The following KIAA1549L variants were observed in gnomAD, a reference collection of about 807,000 sequenced individuals.
The protein encoded by KIAA1549L is UPF0606 protein KIAA1549L.
In KIAA1549L, 88 loss-of-function variants were observed where a neutral mutation model predicts 160.7. The ratio of observed to expected loss-of-function variants is 0.55; its 90% CI spans 0.46 to 0.65. KIAA1549L has a LOEUF of 0.65. Ranked by LOEUF, KIAA1549L falls within the 30% of genes least tolerant of loss-of-function variation. The pLI is 0.00. For missense variants in KIAA1549L, 2,258 were observed against 2,437.5 expected, an observed-to-expected ratio of 0.93 and a Z score of 1.55; for synonymous variants, 950 against 976.7, an observed-to-expected ratio of 0.97 and a Z score of 0.51.
chr11:33,389,913 A>T (rs1850241338), intron 1 of KIAA1549L, among the ~76,000 whole-genome samples: 1 of 152,228 alleles, frequency 6.6e-6, no homozygotes, highest in South Asian at 2.1e-4. Context: ...ACCTAGCTAC[A>T]CAACTAAAAC....
chr11:33,459,960 C>CAAAAAAAAAAAAAAAAAAAAA (rs61580338), intron 1 of KIAA1549L, among the ~76,000 whole-genome samples: 9 of 67,206 alleles, frequency 1.3e-4, no homozygotes, highest in African/African-American at 5.9e-4. Context: ...GACTCCGTCT[C>CAAAAAAAAAAAAAAAAAAAAA]AAAAAAAAAA....
chr11:33,530,427 AAAAAAAAAAATAT>A (rs1439116332), intron 1 of KIAA1549L, among the ~76,000 whole-genome samples: 4 of 44,092 alleles, frequency 9.1e-5, no homozygotes, highest in Admixed American at 4.8e-4. Flanking sequence ...AAAAAAAAAA[AAAAAAAAAAATAT>A]ATATATATAT....
Position 33,543,418 on chromosome 11 carries a change from C to T in KIAA1549L, c.1855C>T (p.Pro619Ser), listed in dbSNP as rs1854105328. 6.2e-7 allele frequency: 1 copy of T among 1,614,004 alleles called. No individual in the cohort carries two copies. Among genetic ancestry groups the T allele is most frequent in the Non-Finnish European group, 8.5e-7 (1 of 1,179,874 alleles). Residue 619 changes from proline (P) to serine (S), a missense_variant, in exon 2 of 21, where the codon CCC (proline) becomes TCC (serine). Pro to Ser is a moderately conservative substitution (Grantham distance 74, BLOSUM62 -1). Coordinates refer to ENST00000658780, the MANE Select transcript of KIAA1549L (RefSeq NM_012194.3). ...CATCATTACAGCACCAAGGACGAAT[C>T]CCCTTCCTTCAGGACCACCTCTACC... is the stretch of plus-strand genomic sequence containing the variant. ...SPIITAPRTN[P>S]LPSGPPLPSI...
chr11:33,565,480 G>A (rs1033206401), intron 8 of KIAA1549L, among the ~76,000 whole-genome samples: 1 of 152,164 alleles, frequency 6.6e-6, no homozygotes, highest in Non-Finnish European at 1.5e-5. Context: ...TTCAGATGAG[G>A]AACTGAGGCA....
At chr11:33,538,334 T>C (rs1295706495) in intron 1 of KIAA1549L, among the ~76,000 whole-genome samples, 2 of 152,206 alleles carry the variant, frequency 1.3e-5, no homozygotes, top group African/African-American at 4.8e-5. Flanking sequence ...ATCAATATGC[T>C]TTTTCAGTCA....
chr11:33,629,043 G>A (rs993795530), intron 16 of KIAA1549L, among the ~76,000 whole-genome samples: 6 of 145,676 alleles, frequency 4.1e-5, no homozygotes, highest in East Asian at 1.9e-4. Context: ...CTTCACTTAC[G>A]AAGCTTAGTT....
intron 16 of KIAA1549L, among the ~76,000 whole-genome samples, chr11:33,623,923 T>C (rs1046858465): frequency 5.3e-5 from 8 of 152,204 alleles, no homozygotes; most frequent in African/African-American, 1.9e-4. Context: ...TTCTGGACCC[T>C]GTCTGCTCTT....
rs1438252903 is a variant in KIAA1549L, at chr11:33,543,932, C to CA, written c.2370dup (p.Asp791ArgfsTer17). The CA allele has an allele frequency of 6.2e-7, 1 of 1,613,918 alleles. No homozygotes were observed. The highest frequency in any genetic ancestry group is 8.5e-7 in the Non-Finnish European group (1 of 1,179,914). On this transcript the variant is annotated frameshift_variant, in exon 2 of 21. Transcript: ENST00000658780. LOFTEE classifies it high-confidence loss of function. ...AGCATTGAGCAGCCTGTGCAACAGT[C>CA]AGACATGACCATGGTTGGAAGCCAT...
chr11:33,565,342 C>A (rs1163009633), intron 8 of KIAA1549L, among the ~76,000 whole-genome samples: 1 of 152,198 alleles, frequency 6.6e-6, no homozygotes, highest in African/African-American at 2.4e-5. Flanking sequence ...CACATCGTAA[C>A]AACAGCAGCT....
intron 3 of KIAA1549L, 33 bp downstream of exon 3, chr11:33,545,411 A>G: frequency 1.3e-6 from 2 of 1,573,132 alleles, no homozygotes; most frequent in Non-Finnish European, 1.7e-6. Flanking sequence ...TGAAAGCAGC[A>G]AGCCTGGCCT....
At chr11:33,551,954 T>G (rs918583690) in intron 5 of KIAA1549L, among the ~76,000 whole-genome samples, 154 bp from the exon 6 acceptor site, 1 of 152,234 alleles carries the variant, frequency 6.6e-6, no homozygotes. Flanking sequence ...AGGAGCCACT[T>G]TCAAAACTAC....
intron 1 of KIAA1549L, among the ~76,000 whole-genome samples, chr11:33,508,222 C>T (rs903374485): frequency 1.3e-5 from 2 of 152,180 alleles, no homozygotes; most frequent in Non-Finnish European, 2.9e-5. Flanking sequence ...TTTGGTTATC[C>T]AGCCTCATCG....
chr11:33,514,408 T>C (rs1853294527), intron 1 of KIAA1549L, among the ~76,000 whole-genome samples: 1 of 152,346 alleles, frequency 6.6e-6, no homozygotes, highest in Admixed American at 6.5e-5. Context: ...CACTGACTCA[T>C]GCTTGGTGAC....
In KIAA1549L at chr11:33,606,777, C is replaced by G. The variant is rs768656298; in HGVS notation, c.5016C>G (p.Pro1672=). 1.6e-5 allele frequency: 26 copies of G among 1,613,028 alleles called. No individual in the cohort carries two copies. Among genetic ancestry groups the G allele is most frequent in the East Asian group, 2.2e-5 (1 of 44,838 alleles). The change falls in exon 14 of 21, where the codon CCC becomes CCG. Residue 1672 remains proline (P), a synonymous_variant. Coordinates refer to ENST00000658780, the MANE Select transcript of KIAA1549L (RefSeq NM_012194.3). ...CCACAGCCCTCCCCATGGTGCCCCCCACCTCGGACAGGAGCCAGGAGTCAT... is the reference window on the plus strand; with the variant it reads ...CCACAGCCCTCCCCATGGTGCCCCCGACCTCGGACAGGAGCCAGGAGTCAT... ...IKPTALPMVP[P]TSDRSQESSA... is the part of the protein sequence containing the mutation.
At chr11:33,639,775 A>G (rs1034531287) in intron 16 of KIAA1549L, among the ~76,000 whole-genome samples, 1 of 152,124 alleles carries the variant, frequency 6.6e-6, no homozygotes, top group Non-Finnish European at 1.5e-5. Flanking sequence ...CCTGACCTCA[A>G]ATGATCCGCC....
intron 1 of KIAA1549L, among the ~76,000 whole-genome samples, chr11:33,489,354 T>C (rs911870713): frequency 1.3e-5 from 2 of 152,176 alleles, no homozygotes; most frequent in African/African-American, 4.8e-5. Context: ...AAGATATCTC[T>C]CTTTCTCTTA....
chr11:33,638,927 T>C (rs1851514578), intron 16 of KIAA1549L, among the ~76,000 whole-genome samples: 1 of 152,228 alleles, frequency 6.6e-6, no homozygotes, highest in Admixed American at 6.5e-5. Flanking sequence ...TTCATTGAGG[T>C]ATCTTTTCAA....
chr11:33,631,428 C>G (rs137954767), intron 16 of KIAA1549L, among the ~76,000 whole-genome samples: 4 of 152,226 alleles, frequency 2.6e-5, no homozygotes, highest in Non-Finnish European at 4.4e-5. Context: ...CCAGGCTGCT[C>G]AGCCTCCTCG....
Position 33,474,751 on chromosome 11 carries a change from G to T in KIAA1549L, c.239-67051G>T, listed in dbSNP as rs1852249638. Among the ~76,000 whole-genome samples the T allele has an allele frequency of 3.9e-5, 6 of 152,256 alleles. No homozygotes were observed. The South Asian group carries it at 1.2e-3, about 31-fold the overall frequency. On this transcript the variant is annotated intron_variant, in intron 1 of 20. Transcript: ENST00000658780. The stretch of plus-strand genomic sequence containing the variant: ...AGTACTGCATAGAAACTGGCACCCA[G>T]TAGGTACCCAATAAACACCTGCCAA...
Sources: gnomAD v4.1 joint callset for allele counts (sites outside exome capture counted in the v4.1 genomes callset) on GRCh38, gnomAD v4.1.1 for gene constraint, MANE v1.5 for transcripts, NCBI Gene and HGNC (gene_info 2026-07-23, HGNC 2026-07-21) for gene names.